Variants in FAF1 observed in about 807,000 individuals in gnomAD.
FAF1 encodes Fas associated factor 1, also known as FAS-associated factor 1.
A neutral mutation model predicts 92.5 loss-of-function variants in FAF1; 25 were observed. The ratio of observed to expected loss-of-function variants is 0.27; its 90% CI spans 0.20 to 0.38. The LOEUF is 0.38. FAF1 is among the 10% of genes least tolerant of loss of function. The pLI, the probability that FAF1 is intolerant of heterozygous loss-of-function variation, is 1.00. For missense variants in FAF1, 636 were observed against 793.3 expected (o/e 0.80, Z 2.38); for synonymous variants, 234 against 273.2 (o/e 0.86, Z 1.42).
intron 1 of FAF1, among the ~76,000 whole-genome samples, chr1:50,864,363 A>C (rs1182678030): frequency 6.6e-6 from 1 of 151,738 alleles, no homozygotes; most frequent in Non-Finnish European, 1.5e-5. Flanking sequence ...TTCCCTCTAC[A>C]CACTGCTTTG....
intron 1 of FAF1, among the ~76,000 whole-genome samples, chr1:50,888,241 T>C (rs2124697079): frequency 6.6e-6 from 1 of 152,356 alleles, no homozygotes; most frequent in South Asian, 2.1e-4. Flanking sequence ...CCTGAGACTT[T>C]GCTGAAGTTG....
intron 15 of FAF1, among the ~76,000 whole-genome samples, chr1:50,534,692 C>T (rs1383066582): frequency 6.6e-6 from 1 of 152,186 alleles, no homozygotes; most frequent in Non-Finnish European, 1.5e-5. Flanking sequence ...GATTGATATA[C>T]AACTTCACGG....
intron 6 of FAF1, among the ~76,000 whole-genome samples, chr1:50,713,556 G>A (rs570202762): frequency 1.3e-5 from 2 of 152,224 alleles, no homozygotes; most frequent in East Asian, 3.9e-4. Flanking sequence ...TTATAGGCAT[G>A]AGCCATCGCG....
intron 4 of FAF1, among the ~76,000 whole-genome samples, chr1:50,757,878 C>G (rs971304311): frequency 6.6e-6 from 1 of 151,932 alleles, no homozygotes; most frequent in Non-Finnish European, 1.5e-5. Flanking sequence ...GCTTAATGAC[C>G]ATTATGTGTA....
intron 7 of FAF1, among the ~76,000 whole-genome samples, chr1:50,664,210 A>G (rs955817783): frequency 6.7e-6 from 1 of 149,722 alleles, no homozygotes; most frequent in African/African-American, 2.5e-5. Flanking sequence ...GTTGGCCAGG[A>G]TGGTCTCGAT....
chr1:50,869,759 A>G (rs1444615354), intron 1 of FAF1, among the ~76,000 whole-genome samples: 2 of 152,180 alleles, frequency 1.3e-5, no homozygotes, highest in African/African-American at 2.4e-5. Flanking sequence ...GATTCTTTAT[A>G]AAATCCAATC....
chr1:50,525,245 T>C (rs887236224), intron 15 of FAF1, among the ~76,000 whole-genome samples: 2 of 152,234 alleles, frequency 1.3e-5, no homozygotes, highest in Admixed American at 6.5e-5. Context: ...GGTAGTTTAA[T>C]AGGAATAACA....
At chr1:50,461,613 ATC>A (rs909790354) in intron 18 of FAF1, 3 of 152,138 alleles carry the variant, frequency 2.0e-5, no homozygotes, top group African/African-American at 7.2e-5. Flanking sequence ...GAGGTAAAAA[ATC>A]TCTATGAGGA....
intron 2 of FAF1, among the ~76,000 whole-genome samples, chr1:50,811,763 G>C (rs1468819325): frequency 2.6e-5 from 4 of 152,072 alleles, no homozygotes; most frequent in African/African-American, 4.8e-5. Flanking sequence ...ACAATCCTAA[G>C]CAAAAAGAGC....
intron 15 of FAF1, among the ~76,000 whole-genome samples, chr1:50,510,034 C>T (rs943208977): frequency 4.0e-5 from 6 of 151,548 alleles, no homozygotes; most frequent in South Asian, 2.1e-4. Context: ...CCGGGTGTGG[C>T]GGTGTGCACC....
intron 4 of FAF1, among the ~76,000 whole-genome samples, chr1:50,784,634 G>A (rs1661297948): frequency 6.6e-6 from 1 of 152,260 alleles, no homozygotes; most frequent in African/African-American, 2.4e-5. Flanking sequence ...CAGATTCAAT[G>A]CAATCTCTAT....
chr1:50,798,650 G>A (rs1263630678), intron 3 of FAF1, among the ~76,000 whole-genome samples: 2 of 152,194 alleles, frequency 1.3e-5, no homozygotes, highest in Non-Finnish European at 2.9e-5. Flanking sequence ...AAGCCTTGGA[G>A]AAAGAGTCAG....
chr1:50,608,855 T>C (rs1652550598), intron 8 of FAF1, among the ~76,000 whole-genome samples: 1 of 152,212 alleles, frequency 6.6e-6, no homozygotes, highest in East Asian at 1.9e-4. Context: ...TGTATGACTC[T>C]GGACAACTCT....
intron 6 of FAF1, among the ~76,000 whole-genome samples, chr1:50,736,185 TAC>T (rs1424005305): frequency 6.6e-6 from 1 of 152,182 alleles, no homozygotes; most frequent in Non-Finnish European, 1.5e-5. Context: ...CTCTACCAAT[TAC>T]ACAGTTGTTA....
At chr1:50,938,498 T>C (rs1288725161) in intron 1 of FAF1, among the ~76,000 whole-genome samples, 1 of 152,230 alleles carries the variant, frequency 6.6e-6, no homozygotes, top group Non-Finnish European at 1.5e-5. Context: ...TGCATAGACT[T>C]GCAAATATTT....
At chr1:50,824,133 T>C (rs1298445421) in intron 2 of FAF1, among the ~76,000 whole-genome samples, 3 of 152,182 alleles carry the variant, frequency 2.0e-5, no homozygotes, top group Non-Finnish European at 2.9e-5. Flanking sequence ...TAAAGTAATA[T>C]ATACTTTTAA....
At chr1:50,848,494 A>G (rs1210080628) in intron 2 of FAF1, among the ~76,000 whole-genome samples, 1 of 152,224 alleles carries the variant, frequency 6.6e-6, no homozygotes. Flanking sequence ...TTAATAAGAA[A>G]CAGGATATTT....
chr1:50,921,801 T>C (rs943258129), intron 1 of FAF1, among the ~76,000 whole-genome samples: 2 of 151,076 alleles, frequency 1.3e-5, no homozygotes, highest in African/African-American at 4.9e-5. Flanking sequence ...AAATTTAAAG[T>C]ATAAAATTCA....
intron 8 of FAF1, among the ~76,000 whole-genome samples, chr1:50,627,324 G>C (rs975350737): frequency 6.6e-6 from 1 of 152,080 alleles, no homozygotes; most frequent in Admixed American, 6.5e-5. Context: ...AGATAGAAAA[G>C]GAGAAACTAG....
Sources: gnomAD v4.1 joint callset for allele counts (sites outside exome capture counted in the v4.1 genomes callset) on GRCh38, gnomAD v4.1.1 for gene constraint, MANE v1.5 for transcripts, NCBI Gene and HGNC (gene_info 2026-07-23, HGNC 2026-07-21) for gene names.